The following LRPPRC variants were observed in gnomAD, a reference collection of about 807,000 sequenced individuals.
LRPPRC encodes the protein leucine rich pentatricopeptide repeat containing.
Under a neutral mutation model 180.3 loss-of-function variants are expected in LRPPRC, and 120 were observed. That is an observed-to-expected ratio of 0.67 (90% CI 0.57 to 0.77). The LOEUF (loss-of-function observed/expected upper bound fraction) is 0.77, where lower values mean the gene tolerates loss of function less well. Ranked by LOEUF, LRPPRC falls within the 30% of genes least tolerant of loss-of-function variation. LRPPRC has a pLI of 0.00. For synonymous variants in LRPPRC, 723 were observed against 600.0 expected (o/e 1.21, Z -3.00); for missense variants, 2,012 against 1,657.2 (o/e 1.21, Z -3.72).
intron 11 of LRPPRC, among the ~76,000 whole-genome samples, chr2:43,969,930 C>T (rs1242685106): frequency 6.6e-6 from 1 of 152,188 alleles, no homozygotes; most frequent in Admixed American, 6.5e-5. Context: ...CCTACTTCAG[C>T]CTCCCAAAGT....
At chr2:43,986,773 C>T (rs551960747) in intron 1 of LRPPRC, among the ~76,000 whole-genome samples, 1 of 152,192 alleles carries the variant, frequency 6.6e-6, no homozygotes, top group East Asian at 1.9e-4. Context: ...AATCTGGCTG[C>T]AATTGGGTGT....
chr2:43,953,172 C>A (rs561282883), intron 14 of LRPPRC, among the ~76,000 whole-genome samples: 1 of 152,272 alleles, frequency 6.6e-6, no homozygotes, highest in South Asian at 2.1e-4. Context: ...TGATTCATCC[C>A]TTCCCCAACC....
At chr2:43,982,971 T>C (rs933502937) in intron 1 of LRPPRC, among the ~76,000 whole-genome samples, 4 of 152,052 alleles carry the variant, frequency 2.6e-5, no homozygotes, top group African/African-American at 9.7e-5. Flanking sequence ...AAATAATTTC[T>C]AATCTGTCTA....
rs1411217324 is a variant in LRPPRC, at chr2:43,899,573, T to C, written c.3602A>G (p.Glu1201Gly). 1 of 1,610,614 alleles carries C rather than the reference T, an allele frequency of 6.2e-7. No homozygotes were observed. The highest frequency in any genetic ancestry group is 8.5e-7 in the Non-Finnish European group (1 of 1,176,978). The change falls in exon 33 of 38, where the codon GAA becomes GGA. Residue 1201 changes from glutamate to glycine, a missense_variant. Transcript: ENST00000260665. ...NNIDAAIENIENMLTSENKVI... is the reference protein window; with the variant it reads ...NNIDAAIENIGNMLTSENKVI... The stretch of plus-strand genomic sequence containing the variant: ...TTTATTCTCTGAAGTAAGCATATTT[T>C]CAATGTTTTCTATTGCGGCATCTAT...
chr2:43,909,876 G>A (rs974378188), intron 30 of LRPPRC, among the ~76,000 whole-genome samples: 1 of 152,062 alleles, frequency 6.6e-6, no homozygotes, highest in South Asian at 2.1e-4. Context: ...GCAAATAGAC[G>A]GTCATGCTTA....
intron 29 of LRPPRC, among the ~76,000 whole-genome samples, chr2:43,917,507 C>T (rs897359650): frequency 1.1e-4 from 16 of 149,852 alleles, no homozygotes; most frequent in Admixed American, 2.7e-4. Context: ...AGAGTAATTC[C>T]GGCCAGGCAT....
chr2:43,967,899 T>C (rs1383108879), intron 11 of LRPPRC, among the ~76,000 whole-genome samples: 1 of 152,222 alleles, frequency 6.6e-6, no homozygotes, highest in Non-Finnish European at 1.5e-5. Context: ...CAAATCCCAC[T>C]GTGCTCTTCT....
chr2:43,919,750 C>A (rs545839389), intron 27 of LRPPRC, among the ~76,000 whole-genome samples: 1 of 151,970 alleles, frequency 6.6e-6, no homozygotes, highest in South Asian at 2.1e-4. Context: ...TCACATGACA[C>A]TAAGTGTAAT....
rs566477834 is a variant in LRPPRC at position 43,911,243 on chromosome 2, G to A, written c.3275+1189C>T. On this transcript the variant is annotated intron_variant, in intron 30 of 37. Coordinates refer to ENST00000260665, the MANE Select transcript of LRPPRC (RefSeq NM_133259.4). ...ATTAAAAACCCAACAGTCCTAGTGC[G>A]ACTCTTGTATCAAGACATACAAATG... Among the ~76,000 whole-genome samples the A allele has an allele frequency of 4.6e-5, 7 of 151,710 alleles. No homozygotes were observed. In the South Asian group the frequency reaches 8.3e-4, roughly 18 times the overall value.
rs537557534 is a variant in LRPPRC, at chr2:43,969,020, T to C, written c.1369+4587A>G. ...ATTGTACACCTTGAATATATATAGTTTGTGTCAATTTTTAAAAGTGGGGTA... is the reference window on the plus strand; with the variant it reads ...ATTGTACACCTTGAATATATATAGTCTGTGTCAATTTTTAAAAGTGGGGTA... On this transcript the variant is annotated intron_variant, in intron 11 of 37. Transcript: ENST00000260665. Among the ~76,000 whole-genome samples, 4 of 152,306 alleles carry C rather than the reference T, an allele frequency of 2.6e-5. No individual in the cohort carries two copies. The South Asian group carries it at 8.3e-4, about 32-fold the overall frequency.
intron 13 of LRPPRC, among the ~76,000 whole-genome samples, chr2:43,958,191 G>A (rs1348674619): frequency 6.6e-6 from 1 of 152,182 alleles, no homozygotes; most frequent in Non-Finnish European, 1.5e-5. Flanking sequence ...ATCACAGTAG[G>A]CATTCCCTGA....
rs1021569745 is a variant in LRPPRC, at chr2:43,887,728, T to A, written c.*872A>T. The A allele has an allele frequency of 2.0e-5, 3 of 152,206 alleles. No individual in the cohort carries two copies. Among genetic ancestry groups the A allele is most frequent in the African/African-American group, 7.2e-5 (3 of 41,456 alleles). The allele number at this position is 152,206 out of a possible 1,614,324, so 9.4% of individuals were successfully genotyped here. ...GAAGTCACTACTTACAGTGTAGATA[T>A]TAACAGGCATGAGATTCAATATAGG... On this transcript the variant is annotated 3_prime_UTR_variant, in exon 38 of 38. Transcript: ENST00000260665.
rs770997204 is a variant in LRPPRC at position 43,984,447 on chromosome 2, G to A, written c.150-2013C>T. 2.2e-4 allele frequency among the ~76,000 whole-genome samples: 34 copies of A among 152,180 alleles called. No individual in the cohort carries two copies. In the Middle Eastern group the frequency reaches 0.017, roughly 76 times the overall value. ...TAGCACATTGTTCTGAATATTCTAG[G>A]CAAATTTTTCTCATATACATGTCTT... On this transcript the variant is annotated intron_variant, in intron 1 of 37. Coordinates refer to ENST00000260665, the MANE Select transcript of LRPPRC (RefSeq NM_133259.4).
intron 30 of LRPPRC, among the ~76,000 whole-genome samples, chr2:43,909,611 TTAATAA>T (rs10542740): frequency 0.34 from 48,079 of 143,430 alleles, 8,584 homozygotes; most frequent in African/African-American, 0.44. Context: ...AAAAACCCAA[TTAATAA>T]TAATAATAAT....
chr2:43,948,730 G>A (rs1024893417), intron 16 of LRPPRC, among the ~76,000 whole-genome samples: 2 of 152,214 alleles, frequency 1.3e-5, no homozygotes, highest in Middle Eastern at 3.4e-3. Context: ...TTTTCAGACC[G>A]AGTGACAGCT....
At chr2:43,898,070 T>TCA (rs1670750040) in intron 34 of LRPPRC, among the ~76,000 whole-genome samples, 1 of 48,170 alleles carries the variant, frequency 2.1e-5, no homozygotes, top group Non-Finnish European at 3.4e-5. Context: ...TTCCTTAAAA[T>TCA]TAAAAAAAAA....
chr2:43,939,280 AAAAAAT>A (rs71393216), intron 23 of LRPPRC, among the ~76,000 whole-genome samples: 14,960 of 151,260 alleles, frequency 0.099, 920 homozygotes, highest in African/African-American at 0.16. Context: ...CTCCGTCTCA[AAAAAAT>A]AAAAATAAAA....
Position 43,982,293 on chromosome 2 carries a change from A to T in LRPPRC, c.291T>A (p.Thr97=). ...GTAGAAGCTTCTTTGGAATGCGGCC[A>T]GTTCTTCGAACAGAAAGATCTAGTC... ...LMRLDLSVRR[T]GRIPKKLLQK... is the part of the protein sequence containing the mutation. Residue 97 remains threonine, a synonymous_variant, in exon 2 of 38, where the codon ACT becomes ACA. Transcript: ENST00000260665. 1 of 1,585,666 alleles carries T rather than the reference A, an allele frequency of 6.3e-7. No individual in the cohort carries two copies. Among genetic ancestry groups the T allele is most frequent in the Non-Finnish European group, 8.6e-7 (1 of 1,167,604 alleles).
intron 1 of LRPPRC, among the ~76,000 whole-genome samples, chr2:43,982,663 A>T (rs913060255): frequency 2.6e-5 from 4 of 152,210 alleles, no homozygotes; most frequent in Admixed American, 1.3e-4. Flanking sequence ...TGAATAATTG[A>T]CAACATCTTG....
Sources: gnomAD v4.1 joint callset for allele counts (sites outside exome capture counted in the v4.1 genomes callset) on GRCh38, gnomAD v4.1.1 for gene constraint, MANE v1.5 for transcripts, NCBI Gene and HGNC (gene_info 2026-07-23, HGNC 2026-07-21) for gene names.